The following POTED variants were observed in gnomAD, a reference collection of about 807,000 sequenced individuals.
The protein encoded by POTED is POTE ankyrin domain family member D.
POTED carries 7 observed loss-of-function variants against 19.0 expected under a neutral mutation model. That is an observed-to-expected ratio of 0.37 (90% CI 0.21 to 0.69). The LOEUF (loss-of-function observed/expected upper bound fraction) is 0.69, where lower values mean the gene tolerates loss of function less well. Among genes scored for constraint, POTED ranks in the 30% least tolerant of loss-of-function variants. The pLI is 0.56. For missense variants in POTED, 54 were observed against 278.5 expected, an observed-to-expected ratio of 0.19 and a Z score of 5.74; for synonymous variants, 16 against 92.0, an observed-to-expected ratio of 0.17 and a Z score of 4.73.
Position 13,642,622 on chromosome 21 carries a change from A to G in POTED, c.*1056A>G. On this transcript the variant is annotated 3_prime_UTR_variant, in exon 11 of 11. Transcript: ENST00000299443. ...TTCCTGTTCCTCCTTACTAGGCAAGACTTCTCAACTTGCTTCCAGTCACAT... is the reference window on the plus strand; with the variant it reads ...TTCCTGTTCCTCCTTACTAGGCAAGGCTTCTCAACTTGCTTCCAGTCACAT... 1.7e-5 allele frequency among the ~76,000 whole-genome samples: 1 copy of G among 58,902 alleles called. No homozygotes were observed. The highest frequency in any genetic ancestry group is 5.4e-4 in the South Asian group (1 of 1,852). 38.6% of individuals were successfully genotyped at this position (58,902 alleles called of 152,430 possible).
chr21:13,643,626 C>T lies in POTED; in HGVS notation c.*2060C>T, dbSNP rs1403813877. 1.6e-5 allele frequency among the ~76,000 whole-genome samples: 1 copy of T among 61,202 alleles called. No homozygotes were observed. Among genetic ancestry groups the T allele is most frequent in the Admixed American group, 1.4e-4 (1 of 7,200 alleles). 40.2% of individuals were successfully genotyped at this position (61,202 alleles called of 152,430 possible). Reference sequence around the variant, plus strand: ...CTTAGTCTGCTTGCCTCTCCCAGGACCCCAGCCAGGCCACACCTGCTTAGA... The same window carrying T: ...CTTAGTCTGCTTGCCTCTCCCAGGATCCCAGCCAGGCCACACCTGCTTAGA... On this transcript the variant is annotated 3_prime_UTR_variant, in exon 11 of 11. Transcript: ENST00000299443.
intron 9 of POTED, 56 bp downstream of exon 9, chr21:13,631,163 A>G: frequency 1.4e-6 from 1 of 738,514 alleles, no homozygotes; most frequent in Non-Finnish European, 1.9e-6. Context: ...AACTAATCTT[A>G]ATTTGGGCTA....
rs1166332311 is a variant in POTED at position 13,645,252 on chromosome 21, A to G, written c.*3686A>G. ...TCAGGAAATCCAGAGAACCTCAGTAAGATATGCCATGAGAAGATCATCCCC... is the reference window on the plus strand; with the variant it reads ...TCAGGAAATCCAGAGAACCTCAGTAGGATATGCCATGAGAAGATCATCCCC... On this transcript the variant is annotated 3_prime_UTR_variant, in exon 11 of 11. Coordinates refer to ENST00000299443, the MANE Select transcript of POTED (RefSeq NM_174981.6). Among the ~76,000 whole-genome samples, 7 of 133,968 alleles carry G rather than the reference A, an allele frequency of 5.2e-5. 1 individual carries two copies. The highest frequency in any genetic ancestry group is 2.1e-4 in the African/African-American group (7 of 33,174). The allele number at this position is 133,968 out of a possible 152,430, so 87.9% of individuals were successfully genotyped here. A position where few individuals can be genotyped will look rare whatever the true frequency, so the allele number is the denominator to read the frequency against.
intron 1 of POTED, 98 bp downstream of exon 1, chr21:13,610,847 C>T: frequency 2.2e-6 from 2 of 906,952 alleles, no homozygotes; most frequent in South Asian, 1.9e-5. Context: ...TCTCTTCCTC[C>T]GCAGGCCCCA....
chr21:13,616,138 T>TTGTG (rs61117870), intron 3 of POTED, among the ~76,000 whole-genome samples: 1,652 of 84,968 alleles, frequency 0.019, 395 homozygotes, highest in African/African-American at 0.049. Flanking sequence ...CATGAAGAGG[T>TTGTG]TGTGTGTGTG....
Position 13,640,457 on chromosome 21 carries a change from T to A in POTED, c.1533+819T>A, listed in dbSNP as rs1190787586. 1.9e-4 allele frequency among the ~76,000 whole-genome samples: 16 copies of A among 83,374 alleles called. 8 individuals are homozygous for A. The East Asian group carries it at 9.5e-3, about 50-fold the overall frequency. The allele number at this position is 83,374 out of a possible 152,430, so 54.7% of individuals were successfully genotyped here. A position where few individuals can be genotyped will look rare whatever the true frequency, so the allele number is the denominator to read the frequency against. ...ATTTACACCACAGAAGCAACTGTGA[T>A]TTTGTGGAGGATCACTAGCAGTAGC... On this transcript the variant is annotated intron_variant, in intron 10 of 10. Coordinates refer to ENST00000299443, the MANE Select transcript of POTED (RefSeq NM_174981.6).
Position 13,611,505 on chromosome 21 carries a change from C to G in POTED, c.521+756C>G, listed in dbSNP as rs1306851730. ...ACAGAATAGGAAATCCAGAAATACC[C>G]AAATATATGTAAGAATTTAGCACTT... On this transcript the variant is annotated intron_variant, in intron 1 of 10. Transcript: ENST00000299443. Among the ~76,000 whole-genome samples, 5 of 59,144 alleles carry G rather than the reference C, an allele frequency of 8.5e-5. 2 individuals carry two copies. In the African/African-American group the frequency reaches 8.6e-4, roughly 10 times the overall value. The allele number at this position is 59,144 out of a possible 152,430, so 38.8% of individuals were successfully genotyped here. A position where few individuals can be genotyped will look rare whatever the true frequency, so the allele number is the denominator to read the frequency against.
chr21:13,637,325 A>G (rs2011242294), intron 9 of POTED, among the ~76,000 whole-genome samples: 1 of 70,116 alleles, frequency 1.4e-5, no homozygotes, highest in Admixed American at 1.3e-4. Context: ...ATTCTGGCTG[A>G]AGTGAGGTGA....
At chr21:13,626,555 A>G (rs1467057650) in intron 6 of POTED, among the ~76,000 whole-genome samples, 1 of 103,102 alleles carries the variant, frequency 9.7e-6, no homozygotes, top group Non-Finnish European at 1.9e-5. Flanking sequence ...CCACTCTTGA[A>G]CGTTAATGTC....
At chr21:13,636,604 A>T (rs1206622207) in intron 9 of POTED, among the ~76,000 whole-genome samples, 1 of 79,790 alleles carries the variant, frequency 1.3e-5, no homozygotes, top group Non-Finnish European at 2.2e-5. Context: ...TACTAATAAA[A>T]ATTGCTATCT....
chr21:13,612,790 A>G lies in POTED; in HGVS notation c.521+2041A>G, dbSNP rs1280409094. Among the ~76,000 whole-genome samples the G allele has an allele frequency of 3.0e-4, 24 of 81,340 alleles. 8 individuals are homozygous for G. Among genetic ancestry groups the G allele is most frequent in the Admixed American group, 2.5e-3 (24 of 9,770 alleles). The allele number at this position is 81,340 out of a possible 152,430, so 53.4% of individuals were successfully genotyped here. On this transcript the variant is annotated intron_variant, in intron 1 of 10. Coordinates refer to ENST00000299443, the MANE Select transcript of POTED (RefSeq NM_174981.6). ...AAACAAATTTCAGTGCATCCATAGG[A>G]TGGAATAATATGTAACCATTGAGGG...
chr21:13,641,624 G>T lies in POTED; in HGVS notation c.*58G>T. 5.0e-6 allele frequency: 3 copies of T among 597,816 alleles called. 1 individual carries two copies. Among genetic ancestry groups the T allele is most frequent in the Non-Finnish European group, 2.6e-6 (1 of 389,584 alleles). The allele number at this position is 597,816 out of a possible 1,614,324, so 37.0% of individuals were successfully genotyped here. ...AGAATGCTCAGTTCTGAACTGGAGA[G>T]TGTAAGACACAGCTAGGAAACACTG... On this transcript the variant is annotated 3_prime_UTR_variant, in exon 11 of 11. Transcript: ENST00000299443.
chr21:13,645,054 A>G lies in POTED; in HGVS notation c.*3488A>G, dbSNP rs1308993732. The stretch of plus-strand genomic sequence containing the variant: ...GGCAAACAAGAATGGGGGAAAAAAG[A>G]ATGAAAGGGAATGAACAAAACATCT... On this transcript the variant is annotated 3_prime_UTR_variant, in exon 11 of 11. Transcript: ENST00000299443. Among the ~76,000 whole-genome samples the G allele has an allele frequency of 1.8e-5, 2 of 109,628 alleles. 1 individual carries two copies. Among genetic ancestry groups the G allele is most frequent in the Non-Finnish European group, 3.7e-5 (2 of 54,376 alleles). The allele number at this position is 109,628 out of a possible 152,430, so 71.9% of individuals were successfully genotyped here. A position where few individuals can be genotyped will look rare whatever the true frequency, so the allele number is the denominator to read the frequency against.
intron 9 of POTED, among the ~76,000 whole-genome samples, chr21:13,633,430 T>C (rs1183248370): frequency 1.4e-5 from 1 of 73,874 alleles, no homozygotes; most frequent in Non-Finnish European, 2.3e-5. Context: ...ATGGAGGACA[T>C]CTCCTCCCTA....
rs1256812533 is a variant in POTED, at chr21:13,645,797, C to T, written c.*4231C>T. Among the ~76,000 whole-genome samples the T allele has an allele frequency of 2.6e-5, 2 of 75,830 alleles. No individual in the cohort carries two copies. The highest frequency in any genetic ancestry group is 6.7e-3 in the Middle Eastern group (1 of 150). 49.7% of individuals were successfully genotyped at this position (75,830 alleles called of 152,430 possible). ...ACAGGGGGCAAGCTGGATAAAGAACCAAGACCCATTGGAGTATGCCGTCTT... is the reference window on the plus strand; with the variant it reads ...ACAGGGGGCAAGCTGGATAAAGAACTAAGACCCATTGGAGTATGCCGTCTT... On this transcript the variant is annotated 3_prime_UTR_variant, in exon 11 of 11. Transcript: ENST00000299443.
chr21:13,610,755 C>T lies in POTED; in HGVS notation c.521+6C>T, dbSNP rs775654076. The T allele has an allele frequency of 9.7e-5, 104 of 1,073,594 alleles. 37 individuals are homozygous for T. The highest frequency in any genetic ancestry group is 1.2e-4 in the Non-Finnish European group (101 of 830,890). 66.5% of individuals were successfully genotyped at this position (1,073,594 alleles called of 1,614,324 possible). A position where few individuals can be genotyped will look rare whatever the true frequency, so the allele number is the denominator to read the frequency against. On this transcript the variant is annotated splice_donor_region_variant and intron_variant, in intron 1 of 10. Coordinates refer to ENST00000299443, the MANE Select transcript of POTED (RefSeq NM_174981.6). Reference sequence around the variant, plus strand: ...AAGAGGGACAAGGAAAAGAGGTAACCGGGCCTGGGATGGGAGGAGGCAGGA... The same window carrying T: ...AAGAGGGACAAGGAAAAGAGGTAACTGGGCCTGGGATGGGAGGAGGCAGGA...
intron 1 of POTED, among the ~76,000 whole-genome samples, chr21:13,612,563 C>T (rs2011144976): frequency 1.2e-5 from 1 of 83,986 alleles, no homozygotes; most frequent in African/African-American, 8.8e-5. Context: ...AACAGTGGTA[C>T]TTATATACTT....
At position 13,639,781 on chromosome 21, in the gene POTED, TACACAC is replaced by T. The variant is rs150801476; in HGVS notation, c.1533+158_1533+163del. ...ATATATATGTGTGTGTGTATATATA[TACACAC>T]ACACACACACACACCCTGTATATCC... On this transcript the variant is annotated intron_variant, in intron 10 of 10. Transcript: ENST00000299443. 1.0e-4 allele frequency: 36 copies of T among 360,230 alleles called. 6 individuals are homozygous for T. Among genetic ancestry groups the T allele is most frequent in the East Asian group, 4.3e-4 (3 of 6,934 alleles). The allele number at this position is 360,230 out of a possible 1,614,324, so 22.3% of individuals were successfully genotyped here. A position where few individuals can be genotyped will look rare whatever the true frequency, so the allele number is the denominator to read the frequency against.
chr21:13,629,195 T>TA (rs1431526031), intron 7 of POTED, among the ~76,000 whole-genome samples: 2 of 78,494 alleles, frequency 2.5e-5, no homozygotes, highest in South Asian at 3.6e-4. Context: ...TACAGATTAT[T>TA]AAAAAAAATT....
Sources: allele counts gnomAD v4.1 joint callset (sites outside exome capture counted in the v4.1 genomes callset), GRCh38; gene constraint gnomAD v4.1.1; transcripts MANE v1.5; gene names NCBI Gene and HGNC (gene_info 2026-07-23, HGNC 2026-07-21).